Variants in TJP2 observed in about 807,000 individuals in gnomAD.
TJP2 encodes the protein tight junction protein 2.
A neutral mutation model predicts 133.1 loss-of-function variants in TJP2; 91 were observed. That is an observed-to-expected ratio of 0.68 (90% CI 0.58 to 0.81). The LOEUF is 0.81. TJP2 is among the 40% of genes least tolerant of loss of function. The pLI, the probability that TJP2 is intolerant of heterozygous loss-of-function variation, is 0.00. For synonymous variants in TJP2, 592 were observed against 583.4 expected (o/e 1.01, Z -0.21); for missense variants, 1,541 against 1,565.6 (o/e 0.98, Z 0.26).
chr9:69,139,092 C>A (rs1179152242), intron 1 of TJP2, among the ~76,000 whole-genome samples: 1 of 151,848 alleles, frequency 6.6e-6, no homozygotes, highest in Non-Finnish European at 1.5e-5. Flanking sequence ...TGGCTCACAC[C>A]TGTAATCCCA....
intron 21 of TJP2, 46 bp downstream of exon 21, chr9:69,251,410 G>GT (rs751919126): frequency 3.8e-6 from 6 of 1,584,644 alleles, no homozygotes; most frequent in Non-Finnish European, 5.1e-6. Flanking sequence ...TTTTAAATAA[G>GT]TTTGATTTCA....
chr9:69,248,320 T>C (rs1325181908), intron 19 of TJP2, 96 bp downstream of exon 19: 1 of 1,482,112 alleles, frequency 6.7e-7, no homozygotes, highest in East Asian at 2.5e-5. Flanking sequence ...GTGGAAGGCA[T>C]TCCTAAGGGT....
At chr9:69,225,991 C>T in intron 6 of TJP2, 31 bp from the exon 7 acceptor site, 1 of 1,610,786 alleles carries the variant, frequency 6.2e-7, no homozygotes, top group East Asian at 2.2e-5. Context: ...AATTTTATTG[C>T]ATTTAACATT....
intron 1 of TJP2, among the ~76,000 whole-genome samples, chr9:69,148,192 A>G (rs10156634): frequency 0.91 from 137,451 of 150,254 alleles, 62,998 homozygotes; most frequent in East Asian, 1. Flanking sequence ...CCAAAGTGTT[A>G]GGATTACAGG....
chr9:69,174,307 TAGGAGC>T lies in TJP2; in HGVS notation c.-57_-52del, dbSNP rs930539390. On this transcript the variant is annotated 5_prime_UTR_variant, in exon 1 of 23. Coordinates refer to ENST00000377245, the MANE Select transcript of TJP2 (RefSeq NM_004817.4). Reference sequence around the variant, plus strand: ...ACTGTCCGGTGGTGCCCAGGAGGAGTAGGAGCAGGAGCAGAAGCAGAAGCGGGGTCC... The same window carrying T: ...ACTGTCCGGTGGTGCCCAGGAGGAGTAGGAGCAGAAGCAGAAGCGGGGTCC... The T allele has an allele frequency of 2.0e-4, 315 of 1,547,932 alleles. 2 individuals carry two copies. The Admixed American group carries it at 2.9e-3, about 14-fold the overall frequency.
intron 1 of TJP2, among the ~76,000 whole-genome samples, chr9:69,123,855 ATTATT>A (rs530587210): frequency 2.7e-5 from 2 of 75,348 alleles, no homozygotes; most frequent in African/African-American, 8.1e-5. Context: ...TTGTTTTTTA[ATTATT>A]TTATTTTATT....
chr9:69,158,054 C>A (rs931404746), intron 2 of TJP2, among the ~76,000 whole-genome samples: 1 of 151,442 alleles, frequency 6.6e-6, no homozygotes, highest in Non-Finnish European at 1.5e-5. Flanking sequence ...GTGATTCACT[C>A]CTGTAATCCC....
chr9:69,135,896 G>A (rs563158367), intron 1 of TJP2, among the ~76,000 whole-genome samples: 51 of 152,230 alleles, frequency 3.4e-4, no homozygotes, highest in African/African-American at 1.1e-3. Context: ...GTGAGTCACC[G>A]TGCCCAGCCA....
chr9:69,214,594 C>T (rs189093803), intron 2 of TJP2, among the ~76,000 whole-genome samples: 5 of 152,094 alleles, frequency 3.3e-5, no homozygotes, highest in African/African-American at 4.8e-5. Flanking sequence ...ACGGGCCGGG[C>T]GCAGTAGCTC....
intron 17 of TJP2, 60 bp downstream of exon 17, chr9:69,240,207 TAGA>T (rs1830490288): frequency 7.2e-7 from 1 of 1,384,090 alleles, no homozygotes; most frequent in South Asian, 1.2e-5. Flanking sequence ...AATTGAAGAG[TAGA>T]AGAAATAATT....
rs1822307536 is a variant in TJP2 at position 69,127,038 on chromosome 9, C to T, written c.-131+5313C>T. Among the ~76,000 whole-genome samples the T allele has an allele frequency of 4.1e-5, 3 of 73,262 alleles. 1 individual carries two copies. Among genetic ancestry groups the T allele is most frequent in the Non-Finnish European group, 9.3e-5 (3 of 32,398 alleles). 48.1% of individuals were successfully genotyped at this position (73,262 alleles called of 152,430 possible). ...CTTGAGCCTGGGAGTTCAAGTCCAGCCTGGGCAACATAGGGAGACCCCTGT... is the reference window on the plus strand; with the variant it reads ...CTTGAGCCTGGGAGTTCAAGTCCAGTCTGGGCAACATAGGGAGACCCCTGT... On this transcript the variant is annotated intron_variant, in intron 1 of 5. Coordinates refer to the TJP2 transcript ENST00000423935.
At chr9:69,232,750 G>A (rs1489008613) in intron 11 of TJP2, among the ~76,000 whole-genome samples, 1 of 152,124 alleles carries the variant, frequency 6.6e-6, no homozygotes, top group Non-Finnish European at 1.5e-5. Flanking sequence ...TGATAGAGTT[G>A]TCATTTCTCT....
intron 13 of TJP2, among the ~76,000 whole-genome samples, chr9:69,236,452 T>C (rs963614519): frequency 5.9e-5 from 9 of 152,210 alleles, no homozygotes; most frequent in Non-Finnish European, 1.2e-4. Flanking sequence ...GGTTGCTGAA[T>C]GTGGCTGTTT....
chr9:69,234,806 A>T (rs1417619883), intron 12 of TJP2, among the ~76,000 whole-genome samples: 2 of 152,192 alleles, frequency 1.3e-5, no homozygotes, highest in Admixed American at 6.5e-5. Flanking sequence ...CTGAACAGTG[A>T]TGCAGCCTTA....
At chr9:69,170,371 A>G (rs996677649), upstream of TJP2, among the ~76,000 whole-genome samples, 12 of 152,000 alleles carry the variant, frequency 7.9e-5, no homozygotes, top group African/African-American at 2.7e-4. Flanking sequence ...TTTGTTGATA[A>G]TTATAGCATT....
chr9:69,190,147 T>A (rs1826114576), intron 1 of TJP2, among the ~76,000 whole-genome samples: 1 of 152,070 alleles, frequency 6.6e-6, no homozygotes, highest in African/African-American at 2.4e-5. Context: ...CCTGTAGCAG[T>A]TTGCTTTGAG....
chr9:69,229,408 A>C (rs1829597743), intron 10 of TJP2, among the ~76,000 whole-genome samples, 158 bp downstream of exon 10: 1 of 152,190 alleles, frequency 6.6e-6, no homozygotes, highest in Non-Finnish European at 1.5e-5. Context: ...GAGAAAGAGG[A>C]ATGATTTGTG....
intron 2 of TJP2, among the ~76,000 whole-genome samples, chr9:69,158,982 GCC>G (rs11317308): frequency 2.1e-5 from 3 of 144,448 alleles, no homozygotes; most frequent in African/African-American, 5.1e-5. Context: ...AGGATTCACC[GCC>G]CCCCCCCCAT....
intron 21 of TJP2, 22 bp from the exon 22 acceptor site, chr9:69,252,793 T>A: frequency 6.2e-7 from 1 of 1,612,628 alleles, no homozygotes. Flanking sequence ...ACTCTTATTC[T>A]TTTCTTTTTT....
Sources: allele counts gnomAD v4.1 joint callset (sites outside exome capture counted in the v4.1 genomes callset), GRCh38; gene constraint gnomAD v4.1.1; transcripts MANE v1.5; gene names NCBI Gene and HGNC (gene_info 2026-07-23, HGNC 2026-07-21).